NRG3: variants seen among roughly 807,000 people sequenced by gnomAD.
NRG3 encodes the protein neuregulin 3, also known as pro-neuregulin-3, membrane-bound isoform.
A neutral mutation model predicts 66.9 loss-of-function variants in NRG3; 31 were observed. The observed-to-expected ratio is 0.46, with a 90% CI of 0.35 to 0.63. The LOEUF (loss-of-function observed/expected upper bound fraction) is 0.63. Among genes scored for constraint, NRG3 ranks in the 20% least tolerant of loss-of-function variants. NRG3 has a pLI of 0.00. For synonymous variants in NRG3, 393 were observed against 359.4 expected, an observed-to-expected ratio of 1.09 and a Z score of -1.06; for missense variants, 910 against 878.9, an observed-to-expected ratio of 1.04 and a Z score of -0.45.
At chr10:82,146,623 A>C (rs1403644181) in intron 1 of NRG3, among the ~76,000 whole-genome samples, 1 of 152,096 alleles carries the variant, frequency 6.6e-6, no homozygotes, top group Non-Finnish European at 1.5e-5. Context: ...GTCCAATAAT[A>C]ATATTGACCA....
chr10:82,691,789 T>C (rs181443073), intron 2 of NRG3, among the ~76,000 whole-genome samples: 261 of 152,318 alleles, frequency 1.7e-3, no homozygotes, highest in African/African-American at 5.9e-3. Context: ...TTCTCCTTAA[T>C]TGATGAGGCG....
chr10:82,166,184 G>C (rs919648457), intron 1 of NRG3, among the ~76,000 whole-genome samples: 1 of 151,820 alleles, frequency 6.6e-6, no homozygotes. Flanking sequence ...CACCACGCCC[G>C]GCTAATTTTG....
chr10:82,562,711 C>T (rs2045132619), intron 2 of NRG3, among the ~76,000 whole-genome samples: 2 of 151,896 alleles, frequency 1.3e-5, no homozygotes, highest in Non-Finnish European at 2.9e-5. Context: ...TGTTGGGTGG[C>T]TCTCCTGAGC....
intron 1 of NRG3, among the ~76,000 whole-genome samples, chr10:82,163,483 T>C (rs1257421010): frequency 6.6e-6 from 1 of 152,184 alleles, no homozygotes; most frequent in Non-Finnish European, 1.5e-5. Context: ...GGCAATATAG[T>C]CCTTGAGGAC....
chr10:82,676,845 T>TC (rs1265708257), intron 2 of NRG3, among the ~76,000 whole-genome samples: 1 of 152,042 alleles, frequency 6.6e-6, no homozygotes, highest in African/African-American at 2.4e-5. Context: ...CGTTTTTTTT[T>TC]CTATTGTAGT....
intron 6 of NRG3, among the ~76,000 whole-genome samples, chr10:82,968,390 A>T (rs1321085930): frequency 6.6e-6 from 1 of 152,240 alleles, no homozygotes; most frequent in Non-Finnish European, 1.5e-5. Context: ...AATTCTGGAA[A>T]CACATTTATA....
At chr10:81,945,751 A>G (rs1848788767) in intron 1 of NRG3, among the ~76,000 whole-genome samples, 1 of 152,114 alleles carries the variant, frequency 6.6e-6, no homozygotes, top group Admixed American at 6.6e-5. Context: ...TGCAAATGTA[A>G]TTAGTAAAGA....
intron 1 of NRG3, among the ~76,000 whole-genome samples, chr10:82,017,854 A>G (rs1477766559): frequency 2.5e-4 from 38 of 152,054 alleles, no homozygotes; most frequent in African/African-American, 8.4e-4. Context: ...TTGTCAGATG[A>G]GTAGATTGCA....
At chr10:82,212,605 C>G (rs2075453806) in intron 1 of NRG3, among the ~76,000 whole-genome samples, 1 of 152,146 alleles carries the variant, frequency 6.6e-6, no homozygotes, top group Non-Finnish European at 1.5e-5. Flanking sequence ...ATGGTCATTG[C>G]CCAATACCGA....
intron 1 of NRG3, among the ~76,000 whole-genome samples, chr10:82,207,110 G>T (rs756411632): frequency 6.6e-6 from 1 of 152,086 alleles, no homozygotes; most frequent in African/African-American, 2.4e-5. Flanking sequence ...TGAGTTGTTG[G>T]GCTAAGTGAC....
At chr10:82,444,154 G>A (rs960707699) in intron 2 of NRG3, among the ~76,000 whole-genome samples, 1 of 152,204 alleles carries the variant, frequency 6.6e-6, no homozygotes, top group African/African-American at 2.4e-5. Flanking sequence ...CCAGGCTGGA[G>A]TGCAGTGGCA....
chr10:82,420,785 A>G (rs776047911), intron 2 of NRG3, among the ~76,000 whole-genome samples: 2 of 152,220 alleles, frequency 1.3e-5, no homozygotes, highest in Non-Finnish European at 2.9e-5. Flanking sequence ...TCAGTGGGAG[A>G]ATGGACAAAA....
At chr10:82,906,424 T>G (rs539572340) in intron 4 of NRG3, among the ~76,000 whole-genome samples, 1 of 152,320 alleles carries the variant, frequency 6.6e-6, no homozygotes, top group South Asian at 2.1e-4. Context: ...AACATTAATT[T>G]CTATAGGTGT....
intron 1 of NRG3, among the ~76,000 whole-genome samples, chr10:82,211,806 G>T (rs747347511): frequency 2.6e-5 from 4 of 152,172 alleles, no homozygotes; most frequent in Non-Finnish European, 5.9e-5. Context: ...ACTTAATACA[G>T]ATTTTGGAGA....
intron 1 of NRG3, among the ~76,000 whole-genome samples, chr10:82,179,706 A>G (rs1301060043): frequency 1.3e-5 from 2 of 151,894 alleles, no homozygotes; most frequent in African/African-American, 2.4e-5. Flanking sequence ...TTCTTTTTCA[A>G]GAGTGTTTTA....
intron 2 of NRG3, among the ~76,000 whole-genome samples, chr10:82,387,116 A>G (rs1937959): frequency 0.17 from 26,292 of 152,146 alleles, 2,446 homozygotes; most frequent in East Asian, 0.29. Context: ...GGCTTTTCCA[A>G]TACACCATGT....
At chr10:82,713,845 C>T (rs1412798395) in intron 2 of NRG3, among the ~76,000 whole-genome samples, 1 of 152,118 alleles carries the variant, frequency 6.6e-6, no homozygotes, top group Admixed American at 6.5e-5. Context: ...GCCATGGATT[C>T]AATTTGTTTA....
At chr10:82,856,764 A>C (rs11196241) in intron 3 of NRG3, among the ~76,000 whole-genome samples, 1 of 151,108 alleles carries the variant, frequency 6.6e-6, no homozygotes, top group East Asian at 1.9e-4. Context: ...AACAAAAAAA[A>C]AAAAAAAAAG....
intron 2 of NRG3, among the ~76,000 whole-genome samples, chr10:82,619,939 C>T (rs1013249336): frequency 6.6e-6 from 1 of 152,218 alleles, no homozygotes; most frequent in South Asian, 2.1e-4. Context: ...TTTGTTATGG[C>T]ATCCCTAGCA....
Sources: gnomAD v4.1 joint callset for allele counts (sites outside exome capture counted in the v4.1 genomes callset) on GRCh38, gnomAD v4.1.1 for gene constraint, MANE v1.5 for transcripts, NCBI Gene and HGNC (gene_info 2026-07-23, HGNC 2026-07-21) for gene names.